Variants in ZPBP observed in about 807,000 individuals in gnomAD.
ZPBP encodes the protein zona pellucida-binding protein 1.
A neutral mutation model predicts 44.8 loss-of-function variants in ZPBP; 26 were observed. That is an observed-to-expected ratio of 0.58 (90% CI 0.43 to 0.81). ZPBP has a LOEUF of 0.81. ZPBP is among the 30% of genes least tolerant of loss of function. ZPBP has a pLI of 0.00. For synonymous variants in ZPBP, 174 were observed against 153.2 expected (o/e 1.14, Z -1.00); for missense variants, 409 against 434.0 (o/e 0.94, Z 0.51).
chr7:49,867,943 C>T (rs1171414981), intron 2 of ZPBP, among the ~76,000 whole-genome samples: 5 of 151,930 alleles, frequency 3.3e-5, no homozygotes, highest in African/African-American at 9.7e-5. Flanking sequence ...AAGCAATTCT[C>T]CTGTCTCAGC....
rs958607710 is a variant in ZPBP, at chr7:49,998,898, GCACA to G, written c.784-15383_784-15380del. Among the ~76,000 whole-genome samples, 11 of 151,778 alleles carry G rather than the reference GCACA, an allele frequency of 7.2e-5. No homozygotes were observed. The South Asian group carries it at 1.7e-3, about 23-fold the overall frequency. ...ACATGAGTGCACACCACACACAAAT[GCACA>G]CACACAAACACACACACACAGGTTG... is the stretch of plus-strand genomic sequence containing the variant. On this transcript the variant is annotated intron_variant, in intron 6 of 7. Transcript: ENST00000046087.
At chr7:49,852,191 C>T (rs780854105) in intron 2 of ZPBP, among the ~76,000 whole-genome samples, 5 of 152,226 alleles carry the variant, frequency 3.3e-5, no homozygotes, top group Non-Finnish European at 7.3e-5. Context: ...ATCTCAGACC[C>T]TTACTAACAT....
Position 49,938,147 on chromosome 7 carries a change from T to C in ZPBP, c.962-525A>G, listed in dbSNP as rs191732162. Among the ~76,000 whole-genome samples, 484 of 152,232 alleles carry C rather than the reference T, an allele frequency of 3.2e-3. 6 individuals are homozygous for C. Among genetic ancestry groups the C allele is most frequent in the African/African-American group, 0.011 (451 of 41,544 alleles). On this transcript the variant is annotated intron_variant, in intron 7 of 7. Coordinates refer to ENST00000046087, the MANE Select transcript of ZPBP (RefSeq NM_007009.3). ...TTGGGGACCCCTGCTTTAAGTTATA[T>C]AGCAGAAGCCACAAGAGGTCAACAC...
intron 7 of ZPBP, among the ~76,000 whole-genome samples, chr7:49,965,668 A>G (rs1278855849): frequency 6.6e-6 from 1 of 152,072 alleles, no homozygotes; most frequent in East Asian, 1.9e-4. Context: ...CTGTTTAATA[A>G]GCATAATAAT....
chr7:49,941,356 T>C (rs191226434), intron 7 of ZPBP, among the ~76,000 whole-genome samples: 14 of 152,270 alleles, frequency 9.2e-5, no homozygotes, highest in Non-Finnish European at 1.6e-4. Context: ...CCCATGTCCA[T>C]TGTCACATTA....
At chr7:50,077,235 T>C (rs1423135097) in intron 3 of ZPBP, among the ~76,000 whole-genome samples, 1 of 151,880 alleles carries the variant, frequency 6.6e-6, no homozygotes, top group Non-Finnish European at 1.5e-5. Context: ...TCTTGCCATA[T>C]ACAAAGATCA....
At chr7:50,075,108 A>G (rs1389607743) in intron 3 of ZPBP, among the ~76,000 whole-genome samples, 1 of 151,974 alleles carries the variant, frequency 6.6e-6, no homozygotes, top group Non-Finnish European at 1.5e-5. Flanking sequence ...AGAAATAAAT[A>G]ATAAGAGAAA....
At chr7:49,903,401 C>T (rs1792885863) in intron 1 of ZPBP, among the ~76,000 whole-genome samples, 1 of 152,144 alleles carries the variant, frequency 6.6e-6, no homozygotes, top group Admixed American at 6.5e-5. Context: ...TACAACTTAC[C>T]TGTTAAAAGG....
intron 1 of ZPBP, among the ~76,000 whole-genome samples, chr7:49,930,783 A>G (rs1203839785): frequency 1.3e-5 from 2 of 152,234 alleles, no homozygotes; most frequent in Non-Finnish European, 2.9e-5. Flanking sequence ...AAAGATGTCA[A>G]CTGTAATGCA....
At chr7:49,941,563 T>A (rs1476059785) in intron 7 of ZPBP, among the ~76,000 whole-genome samples, 1 of 152,074 alleles carries the variant, frequency 6.6e-6, no homozygotes, top group Non-Finnish European at 1.5e-5. Context: ...TCAAATAATA[T>A]TTAGGCATAA....
chr7:49,937,652 T>C (rs1461026001), intron 7 of ZPBP, 30 bp from the exon 8 acceptor site: 2 of 1,530,074 alleles, frequency 1.3e-6, no homozygotes, highest in Admixed American at 1.7e-5. Flanking sequence ...TAATAAGTAG[T>C]ATTTTCCTAA....
intron 7 of ZPBP, among the ~76,000 whole-genome samples, chr7:49,974,126 T>C (rs1796406886): frequency 1.3e-5 from 2 of 152,036 alleles, no homozygotes; most frequent in Non-Finnish European, 2.9e-5. Flanking sequence ...TGAAGAATAC[T>C]GGGAGATGAA....
intron 7 of ZPBP, among the ~76,000 whole-genome samples, chr7:49,955,664 A>G (rs1350657949): frequency 6.6e-6 from 1 of 152,188 alleles, no homozygotes; most frequent in Non-Finnish European, 1.5e-5. Context: ...GAAATCAGAT[A>G]AGAGAAAATT....
chr7:50,025,827 C>T (rs916779634), intron 5 of ZPBP, among the ~76,000 whole-genome samples: 2 of 151,704 alleles, frequency 1.3e-5, no homozygotes, highest in Admixed American at 6.6e-5. Flanking sequence ...AAAACCCACA[C>T]AACATAGAAA....
chr7:50,082,119 G>A (rs1287779930), intron 2 of ZPBP, among the ~76,000 whole-genome samples: 1 of 151,758 alleles, frequency 6.6e-6, no homozygotes, highest in East Asian at 1.9e-4. Flanking sequence ...GTATGTGTGT[G>A]TACATGTATC....
intron 2 of ZPBP, among the ~76,000 whole-genome samples, chr7:49,871,924 C>CACAG (rs1791170427): frequency 8.9e-6 from 1 of 111,832 alleles, no homozygotes; most frequent in African/African-American, 4.0e-5. Context: ...CACACACACA[C>CACAG]ACACACACAC....
At chr7:49,979,490 T>C (rs139904878) in intron 7 of ZPBP, among the ~76,000 whole-genome samples, 2 of 152,046 alleles carry the variant, frequency 1.3e-5, no homozygotes, top group Admixed American at 1.3e-4. Context: ...TCAAATAGTG[T>C]AGTACATAAT....
intron 6 of ZPBP, among the ~76,000 whole-genome samples, chr7:49,983,817 T>A (rs564038313): frequency 2.6e-5 from 4 of 152,050 alleles, no homozygotes; most frequent in Non-Finnish European, 5.9e-5. Flanking sequence ...TCAAGAAAGC[T>A]CTTTGAAATT....
At chr7:49,907,760 T>C (rs564997821) in intron 1 of ZPBP, among the ~76,000 whole-genome samples, 14 of 152,320 alleles carry the variant, frequency 9.2e-5, no homozygotes, top group Admixed American at 4.6e-4. Flanking sequence ...TTCCTGGTCA[T>C]AGGTGTATTC....
Sources: allele counts gnomAD v4.1 joint callset (sites outside exome capture counted in the v4.1 genomes callset), GRCh38; gene constraint gnomAD v4.1.1; transcripts MANE v1.5; gene names NCBI Gene and HGNC (gene_info 2026-07-23, HGNC 2026-07-21).